Variants in CDH4 observed in about 807,000 individuals in gnomAD.
The protein encoded by CDH4 is cadherin-4.
In CDH4, 33 loss-of-function variants were observed where a neutral mutation model predicts 86.0. The ratio of observed to expected loss-of-function variants is 0.38; its 90% CI spans 0.29 to 0.51. CDH4 has a LOEUF of 0.51. Among genes scored for constraint, CDH4 ranks in the 20% least tolerant of loss-of-function variants. The probability of loss-of-function intolerance (pLI) is 0.86; values close to 1 mark genes in which losing one functional copy is unlikely to be tolerated. For synonymous variants in CDH4, 555 were observed against 549.4 expected (o/e 1.01, Z -0.14); for missense variants, 1,114 against 1,307.4 (o/e 0.85, Z 2.28).
At chr20:61,255,043 G>A (rs1290673849) in intron 2 of CDH4, 106 bp downstream of exon 2, 1 of 738,884 alleles carries the variant, frequency 1.4e-6, no homozygotes, top group South Asian at 1.6e-5. Context: ...TGCTCTCTGT[G>A]AAATGATGGT....
At position 61,706,445 on chromosome 20, in the gene CDH4, C is replaced by T. The variant is rs568561037; in HGVS notation, c.170-37118C>T. ...TCTCTCAACAATAACATGTGGGGCA[C>T]GGTCTTAACAAACATGATGAGAGAA... is the stretch of plus-strand genomic sequence containing the variant. On this transcript the variant is annotated intron_variant, in intron 2 of 15. Transcript: ENST00000614565. 9.6e-4 allele frequency among the ~76,000 whole-genome samples: 146 copies of T among 152,264 alleles called. 1 individual carries two copies. The highest frequency in any genetic ancestry group is 3.3e-3 in the African/African-American group (136 of 41,554).
rs116835622 is a variant in CDH4, at chr20:61,324,157, G to T, written c.169+69220G>T. ...GTCCAAATGTGGTCCTGGCCTTTGG[G>T]TATGAAGTGTGTGCCTGGCTGTGGA... On this transcript the variant is annotated intron_variant, in intron 2 of 15. Coordinates refer to ENST00000614565, the MANE Select transcript of CDH4 (RefSeq NM_001794.5). 3.0e-3 allele frequency among the ~76,000 whole-genome samples: 455 copies of T among 152,264 alleles called. 3 individuals are homozygous for T. The highest frequency in any genetic ancestry group is 0.01 in the African/African-American group (430 of 41,548).
intron 2 of CDH4, among the ~76,000 whole-genome samples, chr20:61,359,321 G>A (rs1273626042): frequency 1.3e-5 from 2 of 152,172 alleles, no homozygotes; most frequent in South Asian, 2.1e-4. Context: ...CGCCGACCCC[G>A]AATTCTGTGG....
At chr20:61,385,908 G>C (rs1386020751) in intron 2 of CDH4, among the ~76,000 whole-genome samples, 2 of 152,186 alleles carry the variant, frequency 1.3e-5, no homozygotes, top group African/African-American at 2.4e-5. Context: ...GATTGCAGCT[G>C]CGGTTCATGC....
At chr20:61,332,251 G>A (rs946749147) in intron 2 of CDH4, among the ~76,000 whole-genome samples, 69 of 152,308 alleles carry the variant, frequency 4.5e-4, no homozygotes, top group East Asian at 7.7e-4. Context: ...CAGGGTGGGC[G>A]GAGCGGTGAC....
At chr20:61,326,277 A>T (rs1268905269) in intron 2 of CDH4, among the ~76,000 whole-genome samples, 1 of 152,216 alleles carries the variant, frequency 6.6e-6, no homozygotes, top group Non-Finnish European at 1.5e-5. Context: ...ATATTCAACA[A>T]ATAAAGGATT....
chr20:61,676,817 G>T lies in CDH4; in HGVS notation c.170-66746G>T, dbSNP rs896409965. ...AGGATGAGGCTTGGAGTGGAAGGGG[G>T]TTGCTGTTGTCCAAGGGGAGGTCAG... On this transcript the variant is annotated intron_variant, in intron 2 of 15. Coordinates refer to ENST00000614565, the MANE Select transcript of CDH4 (RefSeq NM_001794.5). This position sits in a 1 kb window ranked among gnomAD's most constrained non-coding sequence, Gnocchi z 4.5. 2.6e-5 allele frequency among the ~76,000 whole-genome samples: 4 copies of T among 152,248 alleles called. No homozygotes were observed. The highest frequency in any genetic ancestry group is 9.6e-5 in the African/African-American group (4 of 41,460).
At position 61,516,730 on chromosome 20, in the gene CDH4, C is replaced by T. The variant is rs139710789; in HGVS notation, c.170-226833C>T. 5.5e-4 allele frequency among the ~76,000 whole-genome samples: 83 copies of T among 152,290 alleles called. No homozygotes were observed. The East Asian group carries it at 8.7e-3, about 16-fold the overall frequency. On this transcript the variant is annotated intron_variant, in intron 2 of 15. Transcript: ENST00000614565. This position sits in a 1 kb window ranked among gnomAD's most constrained non-coding sequence, Gnocchi z 4.0. ...TGCAATGTCAAACCGCGGCCCTGCC[C>T]GAGAGCAGGCACTAAAAATAACCAG...
chr20:61,550,829 A>G (rs527520306), intron 2 of CDH4, among the ~76,000 whole-genome samples: 3 of 152,336 alleles, frequency 2.0e-5, no homozygotes, highest in Admixed American at 6.5e-5. Context: ...AGCCTGCAGT[A>G]CCCAGGGGCA....
At chr20:61,792,952 G>A (rs1297767096) in intron 4 of CDH4, among the ~76,000 whole-genome samples, 2 of 131,406 alleles carry the variant, frequency 1.5e-5, no homozygotes, top group African/African-American at 5.4e-5. Flanking sequence ...CCTGGCCTAT[G>A]TGTTTTTTTT....
At chr20:61,865,838 T>C (rs1490097310) in intron 6 of CDH4, among the ~76,000 whole-genome samples, 1 of 151,462 alleles carries the variant, frequency 6.6e-6, no homozygotes, top group Non-Finnish European at 1.5e-5. Context: ...TTTGTGTATA[T>C]AATGGGTTAG....
intron 2 of CDH4, among the ~76,000 whole-genome samples, chr20:61,611,867 C>G (rs1416580387): frequency 5.3e-5 from 8 of 152,074 alleles, no homozygotes; most frequent in Non-Finnish European, 1.2e-4. Context: ...GAACTCCTGC[C>G]TGAATCTGGA....
At position 61,601,454 on chromosome 20, in the gene CDH4, T is replaced by C. The variant is rs573161941; in HGVS notation, c.170-142109T>C. Among the ~76,000 whole-genome samples the C allele has an allele frequency of 2.6e-5, 4 of 152,176 alleles. No homozygotes were observed. The East Asian group carries it at 7.7e-4, about 29-fold the overall frequency. ...TGCCCCACACCCCTCACCTGTGCCC[T>C]CCCTGCAGATCTCCGGAGTCACCTG... On this transcript the variant is annotated intron_variant, in intron 2 of 15. Transcript: ENST00000614565.
At chr20:61,329,417 T>C (rs1359986395) in intron 2 of CDH4, among the ~76,000 whole-genome samples, 1 of 151,928 alleles carries the variant, frequency 6.6e-6, no homozygotes, top group South Asian at 2.1e-4. Flanking sequence ...GCAGCGTGCG[T>C]GGAGGGCACC....
chr20:61,928,230 T>C lies in CDH4; in HGVS notation c.1812T>C (p.Tyr604=). The C allele has an allele frequency of 6.2e-7, 1 of 1,604,946 alleles. No homozygotes were observed. The highest frequency in any genetic ancestry group is 8.5e-7 in the Non-Finnish European group (1 of 1,179,924). ...GCGGCACCGGGACCCTCCAGATCTA[T>C]CTCATTGACATCAACGACAACGCCC... ...PASGTGTLQI[Y]LIDINDNAPE... is the part of the protein sequence containing the mutation. Residue 604 remains tyrosine (Y), a synonymous_variant, in exon 12 of 16, where the codon TAT becomes TAC. Coordinates refer to ENST00000614565, the MANE Select transcript of CDH4 (RefSeq NM_001794.5).
intron 2 of CDH4, among the ~76,000 whole-genome samples, chr20:61,729,963 T>G (rs1040944666): frequency 6.6e-6 from 1 of 152,196 alleles, no homozygotes; most frequent in Admixed American, 6.5e-5. Flanking sequence ...AAGGTACAGC[T>G]GATAGATAGT....
intron 2 of CDH4, among the ~76,000 whole-genome samples, chr20:61,337,010 T>G (rs35493791): frequency 0.38 from 57,234 of 151,822 alleles, 10,821 homozygotes; most frequent in East Asian, 0.5. Flanking sequence ...GTGTCATAGC[T>G]CCCTCTCACT....
At position 61,718,006 on chromosome 20, in the gene CDH4, C is replaced by G. The variant is rs1264030524; in HGVS notation, c.170-25557C>G. 3 of 152,406 alleles carry G rather than the reference C, an allele frequency of 2.0e-5. No homozygotes were observed. The East Asian group carries it at 5.8e-4, about 29-fold the overall frequency. The allele number at this position is 152,406 out of a possible 1,614,324, so 9.4% of individuals were successfully genotyped here. ...GGCCCTGATGTCCCCTACAACCTCA[C>G]ACATCACATCCTCAGCACCCTACCA... On this transcript the variant is annotated intron_variant, in intron 2 of 15. Transcript: ENST00000614565.
intron 6 of CDH4, among the ~76,000 whole-genome samples, chr20:61,862,440 G>C (rs976487670): frequency 6.6e-6 from 1 of 152,198 alleles, no homozygotes; most frequent in Non-Finnish European, 1.5e-5. Flanking sequence ...CCTTGGCGGG[G>C]GCGGTCCTTG....
Sources: allele counts gnomAD v4.1 joint callset (sites outside exome capture counted in the v4.1 genomes callset), GRCh38; gene constraint gnomAD v4.1.1; non-coding constraint Gnocchi (gnomAD v3.1); transcripts MANE v1.5; gene names NCBI Gene and HGNC (gene_info 2026-07-23, HGNC 2026-07-21).